MCCC1: variants seen among roughly 807,000 people sequenced by gnomAD.
The protein encoded by MCCC1 is methylcrotonyl-CoA carboxylase subunit 1.
A neutral mutation model predicts 83.8 loss-of-function variants in MCCC1; 64 were observed. The ratio of observed to expected loss-of-function variants is 0.76; its 90% CI spans 0.62 to 0.94. The LOEUF is 0.94. MCCC1 is among the 40% of genes least tolerant of loss of function. The probability of loss-of-function intolerance (pLI) is 0.00; values close to 1 mark genes in which losing one functional copy is unlikely to be tolerated. For missense variants in MCCC1, 807 were observed against 904.7 expected, an observed-to-expected ratio of 0.89 and a Z score of 1.39; for synonymous variants, 322 against 315.4, an observed-to-expected ratio of 1.02 and a Z score of -0.22.
At chr3:183,020,279 T>TCACTATATTTTTACTAA in intron 16 of MCCC1, 42 bp from the exon 17 acceptor site, 1 of 1,451,896 alleles carries the variant, frequency 6.9e-7, no homozygotes, top group Non-Finnish European at 9.7e-7. Context: ...CAACATCCTA[T>TCACTATATTTTTACTAA]CACTATATTT....
At position 183,071,231 on chromosome 3, in the gene MCCC1, G is replaced by C; in HGVS notation, c.618C>G (p.Ala206=). The C allele has an allele frequency of 6.2e-7, 1 of 1,614,174 alleles. No homozygotes were observed. Among genetic ancestry groups the C allele is most frequent in the Non-Finnish European group, 8.5e-7 (1 of 1,180,028 alleles). Residue 206 remains alanine, a synonymous_variant, in exon 6 of 19, where the codon GCC becomes GCG. Coordinates refer to ENST00000265594, the MANE Select transcript of MCCC1 (RefSeq NM_020166.5). ...RRIGYPVMIK[A]VRGGGGKGMR... The stretch of plus-strand genomic sequence containing the variant: ...TTACTTTTCCTCCTCCACCCCGGAC[G>C]GCTTTAATCATGACAGGATAGCCAA...
At chr3:183,024,762 CTATATGATCT>C (rs1210844715) in intron 15 of MCCC1, among the ~76,000 whole-genome samples, 1 of 152,068 alleles carries the variant, frequency 6.6e-6, no homozygotes, top group African/African-American at 2.4e-5. Context: ...ATCAGAATCA[CTATATGATCT>C]AGCAATTCCA....
intron 14 of MCCC1, among the ~76,000 whole-genome samples, chr3:183,030,711 A>C (rs1712995736): frequency 6.6e-6 from 1 of 151,622 alleles, no homozygotes. Flanking sequence ...TTCTCAACAT[A>C]CACACTTCCA....
intron 4 of MCCC1, among the ~76,000 whole-genome samples, chr3:183,083,856 C>T (rs910800885): frequency 6.6e-6 from 1 of 152,208 alleles, no homozygotes; most frequent in African/African-American, 2.4e-5. Context: ...TTAAACAACA[C>T]CTTCCCTTTT....
chr3:183,052,150 T>C lies in MCCC1; in HGVS notation c.955+9A>G. ...ACGTCTCTTCCATTAGAAGCAAATC[T>C]TAACCTACCTGCTCCAACATAATTT... is the stretch of plus-strand genomic sequence containing the variant. On this transcript the variant is annotated intron_variant, in intron 9 of 18. Coordinates refer to ENST00000265594, the MANE Select transcript of MCCC1 (RefSeq NM_020166.5). The C allele has an allele frequency of 6.2e-7, 1 of 1,613,682 alleles. No individual in the cohort carries two copies. Among genetic ancestry groups the C allele is most frequent in the Non-Finnish European group, 8.5e-7 (1 of 1,179,596 alleles).
chr3:183,016,986 A>C (rs1711691410), intron 18 of MCCC1: 1 of 473,282 alleles, frequency 2.1e-6, no homozygotes, highest in African/African-American at 2.0e-5. Flanking sequence ...TATCTTAGAA[A>C]ATACCAACAG....
chr3:183,025,506 T>C (rs1402731345), intron 15 of MCCC1, among the ~76,000 whole-genome samples: 4 of 152,328 alleles, frequency 2.6e-5, no homozygotes, highest in Middle Eastern at 6.8e-3. Context: ...AATGTCTGAT[T>C]TGAGCTTTTA....
At position 183,071,208 on chromosome 3, in the gene MCCC1, A is replaced by T. The variant is rs199914879; in HGVS notation, c.639+2T>A. Reference sequence around the variant, plus strand: ...GGCAAACACAAGCATGCACAATCTTACTTTTCCTCCTCCACCCCGGACGGC... The same window carrying T: ...GGCAAACACAAGCATGCACAATCTTTCTTTTCCTCCTCCACCCCGGACGGC... On this transcript the variant is annotated splice_donor_variant, in intron 6 of 18. Transcript: ENST00000265594. LOFTEE classifies it high-confidence loss of function. 2.5e-6 allele frequency: 4 copies of T among 1,614,168 alleles called. No individual in the cohort carries two copies. The East Asian group carries it at 8.9e-5, about 36-fold the overall frequency.
intron 1 of MCCC1, among the ~76,000 whole-genome samples, chr3:183,111,523 C>T (rs749469464): frequency 9.9e-5 from 15 of 152,282 alleles, no homozygotes; most frequent in South Asian, 6.2e-4. Context: ...TGGTTTCGAA[C>T]TCCTGACCTC....
intron 8 of MCCC1, among the ~76,000 whole-genome samples, chr3:183,055,432 A>G (rs955399744): frequency 2.0e-5 from 3 of 151,870 alleles, no homozygotes; most frequent in Admixed American, 2.0e-4. Context: ...TAAAAAGCTA[A>G]TATTATATAC....
Position 183,041,722 on chromosome 3 carries a change from C to A in MCCC1, c.1112G>T (p.Ser371Ile), listed in dbSNP as rs1245573786. The change falls in exon 11 of 19, where the codon AGC becomes ATC. Residue 371 changes from serine (S) to isoleucine (I), a missense_variant. Coordinates refer to ENST00000265594, the MANE Select transcript of MCCC1 (RefSeq NM_020166.5). The stretch of plus-strand genomic sequence containing the variant: ...GCCCTGCAGAGTTATTTCTTCCTGG[C>A]TCAAAGGAATCTTCTCTCCTGCTGC... ...RIAAGEKIPL[S>I]QEEITLQGHA... 2 of 1,614,032 alleles carry A rather than the reference C, an allele frequency of 1.2e-6. No homozygotes were observed. Among genetic ancestry groups the A allele is most frequent in the African/African-American group, 2.7e-5 (2 of 74,926 alleles).
chr3:183,089,378 G>A (rs955233676), intron 3 of MCCC1, among the ~76,000 whole-genome samples: 3 of 152,130 alleles, frequency 2.0e-5, no homozygotes, highest in African/African-American at 7.2e-5. Context: ...GTGGGGCTGG[G>A]CATGGTGGCT....
At chr3:183,079,249 G>A (rs997872167) in intron 4 of MCCC1, among the ~76,000 whole-genome samples, 6 of 152,182 alleles carry the variant, frequency 3.9e-5, no homozygotes, top group East Asian at 1.9e-4. Context: ...CCAACATCTC[G>A]TCTGAGACAA....
intron 7 of MCCC1, 24 bp from the exon 8 acceptor site, chr3:183,057,446 T>C (rs1192992997): frequency 6.5e-7 from 1 of 1,534,590 alleles, no homozygotes; most frequent in Non-Finnish European, 8.9e-7. Flanking sequence ...AACATGTATG[T>C]TAATATATTT....
intron 7 of MCCC1, among the ~76,000 whole-genome samples, chr3:183,060,845 G>A (rs1043088127): frequency 2.6e-5 from 4 of 151,818 alleles, no homozygotes; most frequent in African/African-American, 4.8e-5. Context: ...TTGTCCTTGC[G>A]ACAGTTTGCT....
At chr3:183,091,305 C>T (rs568882791) in intron 3 of MCCC1, among the ~76,000 whole-genome samples, 5 of 152,306 alleles carry the variant, frequency 3.3e-5, no homozygotes, top group African/African-American at 1.2e-4. Context: ...CAGTGGCTCA[C>T]GCCTGTAATC....
intron 7 of MCCC1, among the ~76,000 whole-genome samples, chr3:183,058,986 G>T (rs1258923335): frequency 2.0e-5 from 3 of 152,164 alleles, no homozygotes; most frequent in Non-Finnish European, 2.9e-5. Context: ...TTTACTTCAT[G>T]AAGTATTTTA....
chr3:183,021,708 C>G (rs1315060540), intron 16 of MCCC1, among the ~76,000 whole-genome samples: 1 of 152,060 alleles, frequency 6.6e-6, no homozygotes, highest in Admixed American at 6.6e-5. Flanking sequence ...ATTACTGTAG[C>G]GTAATTGGCT....
intron 3 of MCCC1, among the ~76,000 whole-genome samples, chr3:183,091,769 A>T (rs111789812): frequency 4.6e-5 from 7 of 151,470 alleles, no homozygotes; most frequent in South Asian, 4.2e-4. Context: ...TTGGCTAGGC[A>T]CGGTGGCTCA....
Sources: gnomAD v4.1 joint callset for allele counts (sites outside exome capture counted in the v4.1 genomes callset) on GRCh38, gnomAD v4.1.1 for gene constraint, MANE v1.5 for transcripts, NCBI Gene and HGNC (gene_info 2026-07-23, HGNC 2026-07-21) for gene names.